ANXA8: variants seen among roughly 807,000 people sequenced by gnomAD.
The protein encoded by ANXA8 is VAC-beta.
ANXA8 carries 9 observed loss-of-function variants against 26.8 expected under a neutral mutation model. The ratio of observed to expected loss-of-function variants is 0.34; its 90% CI spans 0.20 to 0.59. The LOEUF is 0.59. Among genes scored for constraint, ANXA8 ranks in the 20% least tolerant of loss-of-function variants. The probability of loss-of-function intolerance (pLI) is 0.84; values close to 1 mark genes in which losing one functional copy is unlikely to be tolerated. For missense variants in ANXA8, 83 were observed against 238.5 expected, an observed-to-expected ratio of 0.35 and a Z score of 4.29; for synonymous variants, 39 against 94.8, an observed-to-expected ratio of 0.41 and a Z score of 3.42.
At chr10:47,610,638 T>A in the ANXA8 span, among the ~76,000 whole-genome samples, 1 of 145,958 alleles carries the variant, frequency 6.9e-6, no homozygotes, top group Non-Finnish European at 1.5e-5. Flanking sequence ...AATTCTTTCA[T>A]TTTAAAAATT....
At chr10:47,971,107 T>C in the ANXA8 span, among the ~76,000 whole-genome samples, 1 of 151,474 alleles carries the variant, frequency 6.6e-6, no homozygotes, top group East Asian at 1.9e-4. Flanking sequence ...CTAGAGTCTA[T>C]GGGACCTGAG....
At chr10:47,497,252 G>A in the ANXA8 span, among the ~76,000 whole-genome samples, 1 of 137,046 alleles carries the variant, frequency 7.3e-6, no homozygotes, top group South Asian at 2.4e-4. Context: ...CCCGGGAGGA[G>A]AGGCTGCAGT....
chr10:47,944,057 C>T, the ANXA8 span, among the ~76,000 whole-genome samples: 15 of 146,220 alleles, frequency 1.0e-4, no homozygotes, highest in East Asian at 1.9e-3. Context: ...TGCAGAATGC[C>T]ATACACCACG....
chr10:47,612,784 A>ATGT, the ANXA8 span, among the ~76,000 whole-genome samples: 1 of 74,194 alleles, frequency 1.3e-5, no homozygotes, highest in Non-Finnish European at 3.4e-5. Flanking sequence ...CCCTCTTGCC[A>ATGT]TACGATACCC....
At chr10:47,647,290 C>CT in the ANXA8 span, among the ~76,000 whole-genome samples, 5 of 151,390 alleles carry the variant, frequency 3.3e-5, no homozygotes, top group Non-Finnish European at 5.9e-5. Flanking sequence ...TTCTTTTATA[C>CT]TTTTTTTTGT....
At chr10:47,501,476 G>A in the ANXA8 span, among the ~76,000 whole-genome samples, 17 of 137,558 alleles carry the variant, frequency 1.2e-4, 2 homozygotes, top group South Asian at 9.6e-4. Flanking sequence ...TTGGGAGGCC[G>A]AGGCAGGTGG....
the ANXA8 span, chr10:47,706,682 T>C: frequency 1.3e-5 from 18 of 1,346,366 alleles, 4 homozygotes; most frequent in Middle Eastern, 2.6e-4. Flanking sequence ...TTGATGTTTT[T>C]CGAAGGATGA....
At chr10:47,703,213 G>C in the ANXA8 span, among the ~76,000 whole-genome samples, 171 of 151,864 alleles carry the variant, frequency 1.1e-3, 1 homozygote, top group African/African-American at 4.0e-3. Context: ...CAGAGGGGAA[G>C]AGAGAGCTCT....
the ANXA8 span, among the ~76,000 whole-genome samples, chr10:47,674,817 G>A: frequency 5.9e-5 from 9 of 151,708 alleles, no homozygotes; most frequent in African/African-American, 2.2e-4. Context: ...TATTGTTCAA[G>A]TTGTTCCAGC....
chr10:47,914,907 G>A, the ANXA8 span, among the ~76,000 whole-genome samples: 1 of 152,204 alleles, frequency 6.6e-6, no homozygotes, highest in African/African-American at 2.4e-5. Context: ...TTCTTTTGGG[G>A]TCAGTTATTT....
chr10:47,987,905 C>T, the ANXA8 span, among the ~76,000 whole-genome samples: 1 of 85,892 alleles, frequency 1.2e-5, no homozygotes, highest in Middle Eastern at 5.0e-3. Flanking sequence ...AACACTTCGG[C>T]GCTGGGCTCC....
the ANXA8 span, among the ~76,000 whole-genome samples, chr10:47,492,160 C>A: frequency 6.0e-5 from 9 of 151,220 alleles, no homozygotes; most frequent in African/African-American, 2.2e-4. Flanking sequence ...GTCATGAACA[C>A]AAGTGGAATG....
the ANXA8 span, chr10:47,502,974 G>A: frequency 6.4e-7 from 1 of 1,564,062 alleles, no homozygotes; most frequent in Non-Finnish European, 8.7e-7. Context: ...GCTTGGGGCT[G>A]GTGGTGCTGG....
the ANXA8 span, among the ~76,000 whole-genome samples, chr10:47,954,631 T>C: frequency 6.6e-6 from 1 of 151,330 alleles, no homozygotes; most frequent in East Asian, 2.0e-4. Flanking sequence ...TTATTACGCA[T>C]TGCATGCCTG....
At chr10:47,719,182 C>T in the ANXA8 span, among the ~76,000 whole-genome samples, 8 of 128,142 alleles carry the variant, frequency 6.2e-5, no homozygotes, top group Admixed American at 3.1e-4. Context: ...TTTTTTGAGA[C>T]GGAGTCTCGC....
the ANXA8 span, among the ~76,000 whole-genome samples, chr10:47,587,261 C>T: frequency 6.7e-6 from 1 of 148,842 alleles, no homozygotes; most frequent in Non-Finnish European, 1.5e-5. Flanking sequence ...AAGAGTTATT[C>T]CATTGTGTGT....
chr10:47,555,435 A>T, the ANXA8 span, among the ~76,000 whole-genome samples: 91 of 151,638 alleles, frequency 6.0e-4, no homozygotes, highest in South Asian at 8.1e-3. Flanking sequence ...ACTTCCTACT[A>T]GTCTGTGCCT....
the ANXA8 span, among the ~76,000 whole-genome samples, chr10:47,770,085 C>CA: frequency 6.7e-6 from 1 of 149,124 alleles, no homozygotes; most frequent in Admixed American, 6.7e-5. Flanking sequence ...CAATAACTCA[C>CA]TCATTACTAA....
chr10:47,603,357 A>T, the ANXA8 span, among the ~76,000 whole-genome samples: 1 of 149,900 alleles, frequency 6.7e-6, no homozygotes, highest in East Asian at 1.9e-4. Flanking sequence ...AAATAGCTAA[A>T]TTTTTCTAGA....
Sources: gnomAD v4.1 joint callset for allele counts (sites outside exome capture counted in the v4.1 genomes callset) on GRCh38, gnomAD v4.1.1 for gene constraint, MANE v1.5 for transcripts, NCBI Gene and HGNC (gene_info 2026-07-23, HGNC 2026-07-21) for gene names.